SNTG1: variants seen among roughly 807,000 people sequenced by gnomAD.
The protein encoded by SNTG1 is syntrophin gamma 1.
SNTG1 carries 39 observed loss-of-function variants against 74.7 expected under a neutral mutation model. That is an observed-to-expected ratio of 0.52 (90% CI 0.40 to 0.68). SNTG1 has a LOEUF of 0.68. SNTG1 is among the 30% of genes least tolerant of loss of function. The pLI is 0.00. For synonymous variants in SNTG1, 254 were observed against 217.1 expected (o/e 1.17, Z -1.49); for missense variants, 685 against 609.5 (o/e 1.12, Z -1.30).
intron 1 of SNTG1, among the ~76,000 whole-genome samples, chr8:49,995,755 G>T (rs1814149528): frequency 6.6e-6 from 1 of 152,134 alleles, no homozygotes; most frequent in African/African-American, 2.4e-5. Flanking sequence ...TGTCTGTGTG[G>T]GTCACCCTCC....
intron 8 of SNTG1, among the ~76,000 whole-genome samples, chr8:50,484,815 C>T (rs768942222): frequency 2.6e-5 from 4 of 151,098 alleles, no homozygotes; most frequent in South Asian, 2.1e-4. Context: ...GCCGAGATCA[C>T]GCTGTCACAC....
chr8:50,375,804 T>C (rs1437837313), intron 2 of SNTG1, among the ~76,000 whole-genome samples: 1 of 152,174 alleles, frequency 6.6e-6, no homozygotes, highest in African/African-American at 2.4e-5. Context: ...TTATTACATG[T>C]ATGTTTTATA....
chr8:50,343,080 T>C (rs1200117706), intron 2 of SNTG1, among the ~76,000 whole-genome samples: 4 of 152,166 alleles, frequency 2.6e-5, no homozygotes, highest in Admixed American at 6.5e-5. Context: ...CAAAATTTTG[T>C]CACTGAAATT....
chr8:50,093,664 C>A (rs192970225), intron 1 of SNTG1, among the ~76,000 whole-genome samples: 1 of 151,908 alleles, frequency 6.6e-6, no homozygotes, highest in Non-Finnish European at 1.5e-5. Context: ...GTAAGACCTA[C>A]GAGATGCTAA....
At chr8:50,026,270 C>T (rs1396451910) in intron 1 of SNTG1, among the ~76,000 whole-genome samples, 1 of 152,008 alleles carries the variant, frequency 6.6e-6, no homozygotes, top group Non-Finnish European at 1.5e-5. Flanking sequence ...TAGAAATGTG[C>T]AGAGGGTAGT....
intron 8 of SNTG1, among the ~76,000 whole-genome samples, chr8:50,482,001 T>C (rs1044377080): frequency 6.6e-6 from 1 of 152,174 alleles, no homozygotes; most frequent in Non-Finnish European, 1.5e-5. Flanking sequence ...ATTTATTCAG[T>C]CCCCGGTTTA....
intron 18 of SNTG1, among the ~76,000 whole-genome samples, chr8:50,776,858 G>A (rs558830961): frequency 1.4e-4 from 22 of 152,022 alleles, no homozygotes; most frequent in African/African-American, 4.8e-4. Context: ...GCTGGATATA[G>A]GATTCAGGAT....
chr8:50,027,413 C>T (rs1817362590), intron 1 of SNTG1, among the ~76,000 whole-genome samples: 1 of 152,154 alleles, frequency 6.6e-6, no homozygotes, highest in Admixed American at 6.5e-5. Context: ...TCTCTGTCTA[C>T]CCAGAACATC....
At chr8:50,321,168 C>G (rs2090514437) in intron 2 of SNTG1, among the ~76,000 whole-genome samples, 1 of 152,020 alleles carries the variant, frequency 6.6e-6, no homozygotes, top group African/African-American at 2.4e-5. Flanking sequence ...CCAGGTCTAT[C>G]TCTCTCCTTA....
At chr8:50,065,472 CA>C (rs1220993895) in intron 1 of SNTG1, among the ~76,000 whole-genome samples, 1 of 152,076 alleles carries the variant, frequency 6.6e-6, no homozygotes, top group Non-Finnish European at 1.5e-5. Context: ...AGTTGCTAGG[CA>C]TTTCTTTGGT....
chr8:50,324,700 C>A (rs969896513), intron 2 of SNTG1, among the ~76,000 whole-genome samples: 1 of 151,912 alleles, frequency 6.6e-6, no homozygotes, highest in African/African-American at 2.4e-5. Flanking sequence ...TATATGGCTT[C>A]TCTTCTCATT....
intron 8 of SNTG1, among the ~76,000 whole-genome samples, chr8:50,477,174 A>C (rs1230414961): frequency 1.3e-5 from 2 of 152,104 alleles, no homozygotes; most frequent in African/African-American, 4.8e-5. Context: ...GCCACTTCTT[A>C]AGTATGGGCT....
intron 15 of SNTG1, among the ~76,000 whole-genome samples, chr8:50,663,398 A>C (rs2095234914): frequency 1.3e-5 from 2 of 152,118 alleles, no homozygotes; most frequent in Non-Finnish European, 2.9e-5. Context: ...TGAGATGGAG[A>C]TGAAGGGGCC....
chr8:50,708,389 C>A (rs919158485), intron 16 of SNTG1: 1 of 153,992 alleles, frequency 6.5e-6, no homozygotes, highest in Non-Finnish European at 1.4e-5. Context: ...AAGATCTATT[C>A]TTTTGGCTTG....
intron 1 of SNTG1, among the ~76,000 whole-genome samples, chr8:50,107,356 GA>G (rs1272727347): frequency 7.2e-5 from 11 of 152,044 alleles, no homozygotes; most frequent in African/African-American, 2.7e-4. Flanking sequence ...ATAGATAAAA[GA>G]AAATAGATTG....
chr8:50,649,436 T>C (rs981884957), intron 13 of SNTG1, among the ~76,000 whole-genome samples: 9 of 151,928 alleles, frequency 5.9e-5, no homozygotes, highest in Admixed American at 2.6e-4. Flanking sequence ...GAGCCGGAGG[T>C]TGCAGTGAGC....
chr8:50,264,928 C>T (rs1019518443), intron 2 of SNTG1, among the ~76,000 whole-genome samples: 12 of 151,912 alleles, frequency 7.9e-5, no homozygotes, highest in African/African-American at 2.4e-4. Flanking sequence ...CAAAGTAACT[C>T]ATTAAGAAAT....
intron 11 of SNTG1, among the ~76,000 whole-genome samples, chr8:50,550,929 A>G (rs1009165998): frequency 4.6e-5 from 7 of 152,146 alleles, no homozygotes; most frequent in African/African-American, 1.4e-4. Context: ...CAATAATTCT[A>G]TGTGGGGACA....
chr8:50,662,439 A>T (rs2095228920), intron 15 of SNTG1, among the ~76,000 whole-genome samples: 1 of 152,186 alleles, frequency 6.6e-6, no homozygotes, highest in Non-Finnish European at 1.5e-5. Flanking sequence ...ATATGAATTC[A>T]GTTTGTATTT....
Sources: gnomAD v4.1 joint callset for allele counts (sites outside exome capture counted in the v4.1 genomes callset) on GRCh38, gnomAD v4.1.1 for gene constraint, MANE v1.5 for transcripts, NCBI Gene and HGNC (gene_info 2026-07-23, HGNC 2026-07-21) for gene names.